TANC2: variants seen among roughly 807,000 people sequenced by gnomAD.
The protein encoded by TANC2 is tetratricopeptide repeat, ankyrin repeat and coiled-coil containing 2, also known as protein TANC2.
TANC2 carries 26 observed loss-of-function variants against 210.5 expected under a neutral mutation model. The ratio of observed to expected loss-of-function variants is 0.12; its 90% CI spans 0.09 to 0.17. TANC2 has a LOEUF of 0.17. Ranked by LOEUF, TANC2 falls within the 10% of genes least tolerant of loss-of-function variation. The pLI, the probability that TANC2 is intolerant of heterozygous loss-of-function variation, is 1.00. For synonymous variants in TANC2, 931 were observed against 967.1 expected (o/e 0.96, Z 0.69); for missense variants, 2,129 against 2,608.9 (o/e 0.82, Z 4.01).
chr17:63,399,464 G>A (rs557930814), intron 19 of TANC2, among the ~76,000 whole-genome samples: 23 of 152,350 alleles, frequency 1.5e-4, no homozygotes, highest in Middle Eastern at 3.4e-3. Flanking sequence ...CTGTTGGTCT[G>A]TAGCAAATCA....
At chr17:63,257,535 T>G (rs574709403) in intron 8 of TANC2, among the ~76,000 whole-genome samples, 1 of 152,224 alleles carries the variant, frequency 6.6e-6, no homozygotes, top group Non-Finnish European at 1.5e-5. Context: ...TTTTTTGTAG[T>G]GTTTTGTAGA....
intron 1 of TANC2, among the ~76,000 whole-genome samples, chr17:62,997,062 G>A (rs189287316): frequency 4.1e-5 from 6 of 146,946 alleles, no homozygotes; most frequent in Non-Finnish European, 6.0e-5. Context: ...TGATCTGCCC[G>A]CCATAGCCTC....
chr17:62,994,411 A>C (rs902766764), intron 1 of TANC2, among the ~76,000 whole-genome samples: 5 of 151,296 alleles, frequency 3.3e-5, no homozygotes, highest in Non-Finnish European at 5.9e-5. Context: ...AGGCTAGTTA[A>C]ATGGATGATT....
intron 2 of TANC2, among the ~76,000 whole-genome samples, chr17:63,055,605 T>C (rs2035741415): frequency 6.6e-6 from 1 of 151,948 alleles, no homozygotes; most frequent in South Asian, 2.1e-4. Flanking sequence ...AACTCTATTC[T>C]ATTTCCTGTA....
At chr17:62,994,228 C>T (rs1480417932) in intron 1 of TANC2, among the ~76,000 whole-genome samples, 1 of 151,644 alleles carries the variant, frequency 6.6e-6, no homozygotes, top group East Asian at 1.9e-4. Flanking sequence ...GGCTGGAGTG[C>T]AGTGGCGCAT....
At chr17:63,147,393 CAT>C (rs1358512169) in intron 4 of TANC2, among the ~76,000 whole-genome samples, 1 of 152,060 alleles carries the variant, frequency 6.6e-6, no homozygotes, top group Non-Finnish European at 1.5e-5. Context: ...CTTTACCACA[CAT>C]GTTGATACTC....
chr17:63,150,962 A>G (rs1480257112), intron 4 of TANC2: 1 of 152,106 alleles, frequency 6.6e-6, no homozygotes, highest in Non-Finnish European at 1.5e-5. Context: ...AGTTTTGAAT[A>G]TTAGATTTTA....
intron 1 of TANC2, among the ~76,000 whole-genome samples, chr17:63,003,649 A>G (rs193302375): frequency 1.3e-3 from 196 of 152,332 alleles, no homozygotes; most frequent in Middle Eastern, 3.4e-3. Context: ...AACCGAAACC[A>G]TGGAAAGCAA....
chr17:63,197,358 A>T (rs953894602), intron 6 of TANC2, among the ~76,000 whole-genome samples: 6 of 152,208 alleles, frequency 3.9e-5, no homozygotes, highest in Non-Finnish European at 8.8e-5. Flanking sequence ...TATAATATAC[A>T]CTGGAACTAT....
chr17:63,204,666 A>G (rs374291925), intron 7 of TANC2, among the ~76,000 whole-genome samples: 29 of 152,322 alleles, frequency 1.9e-4, no homozygotes, highest in African/African-American at 6.0e-4. Flanking sequence ...CCTAAAAGTC[A>G]TATGGAATCT....
rs1427711322 is a variant in TANC2, at chr17:62,987,863, C to T, written c.-24+21114C>T. On this transcript the variant is annotated intron_variant, in intron 1 of 27. Coordinates refer to ENST00000689528, the Ensembl canonical transcript of TANC2. ...GGGACGAGCATTAGGTGTCTCTAGT[C>T]AGCTATCTTGCTGAAGTCACTGAGT... 3.3e-5 allele frequency among the ~76,000 whole-genome samples: 5 copies of T among 152,098 alleles called. No individual in the cohort carries two copies. The East Asian group carries it at 9.6e-4, about 29-fold the overall frequency.
chr17:63,032,373 C>T (rs566611978), intron 2 of TANC2, among the ~76,000 whole-genome samples: 19 of 152,172 alleles, frequency 1.2e-4, no homozygotes, highest in African/African-American at 4.3e-4. Context: ...TATCCCAGTG[C>T]AAATCATCTA....
intron 2 of TANC2, among the ~76,000 whole-genome samples, chr17:63,046,244 C>T (rs1373400174): frequency 6.6e-6 from 1 of 151,114 alleles, no homozygotes; most frequent in East Asian, 1.9e-4. Flanking sequence ...ACTGCAACCT[C>T]CGCCTCCTGG....
At chr17:63,279,133 A>G (rs982374962) in intron 9 of TANC2, among the ~76,000 whole-genome samples, 3 of 152,152 alleles carry the variant, frequency 2.0e-5, no homozygotes, top group African/African-American at 7.2e-5. Context: ...CATCAGGAGT[A>G]GGCAACAGAT....
chr17:63,132,979 T>A (rs1259574170), intron 4 of TANC2, among the ~76,000 whole-genome samples: 1 of 152,118 alleles, frequency 6.6e-6, no homozygotes, highest in Non-Finnish European at 1.5e-5. Flanking sequence ...GTTTTTTTTG[T>A]TTTTTGTTTT....
intron 2 of TANC2, among the ~76,000 whole-genome samples, chr17:63,014,017 G>A (rs1035940814): frequency 1.3e-5 from 2 of 151,776 alleles, no homozygotes; most frequent in Non-Finnish European, 2.9e-5. Flanking sequence ...CTTTATGCTG[G>A]ATATTTTCTT....
At chr17:63,144,886 G>A (rs917374367) in intron 4 of TANC2, among the ~76,000 whole-genome samples, 1 of 151,390 alleles carries the variant, frequency 6.6e-6, no homozygotes, top group Non-Finnish European at 1.5e-5. Context: ...TTTTATTTTT[G>A]TTTTTTTCTT....
chr17:63,258,142 A>AT (rs901372146), intron 8 of TANC2, among the ~76,000 whole-genome samples: 3 of 151,866 alleles, frequency 2.0e-5, no homozygotes, highest in African/African-American at 7.3e-5. Flanking sequence ...CTACCATAGA[A>AT]TTTTTTTTCT....
chr17:63,352,248 TA>T (rs1159312547), intron 13 of TANC2, among the ~76,000 whole-genome samples: 1 of 152,124 alleles, frequency 6.6e-6, no homozygotes, highest in Admixed American at 6.6e-5. Context: ...CCCCTTGTCA[TA>T]AGTGCTGATG....
Sources: allele counts gnomAD v4.1 joint callset (sites outside exome capture counted in the v4.1 genomes callset), GRCh38; gene constraint gnomAD v4.1.1; transcripts MANE v1.5; gene names NCBI Gene and HGNC (gene_info 2026-07-23, HGNC 2026-07-21).